Variants in CTNND2 observed in about 807,000 individuals in gnomAD.
CTNND2 encodes the protein catenin delta-2.
CTNND2 carries 22 observed loss-of-function variants against 144.4 expected under a neutral mutation model. The ratio of observed to expected loss-of-function variants is 0.15; its 90% CI spans 0.11 to 0.22. CTNND2 has a LOEUF of 0.22. Ranked by LOEUF, CTNND2 falls within the 10% of genes least tolerant of loss-of-function variation. CTNND2 has a pLI of 1.00. For synonymous variants in CTNND2, 751 were observed against 695.6 expected, an observed-to-expected ratio of 1.08 and a Z score of -1.25; for missense variants, 1,353 against 1,618.8, an observed-to-expected ratio of 0.84 and a Z score of 2.82.
At chr5:11,505,098 T>G (rs1770892595) in intron 3 of CTNND2, among the ~76,000 whole-genome samples, 1 of 151,978 alleles carries the variant, frequency 6.6e-6, no homozygotes, top group East Asian at 1.9e-4. Flanking sequence ...GTTAAAAGAG[T>G]TGGTGCTTTT....
intron 2 of CTNND2, among the ~76,000 whole-genome samples, chr5:11,620,307 C>A (rs1402276726): frequency 2.0e-5 from 3 of 152,062 alleles, no homozygotes; most frequent in Non-Finnish European, 4.4e-5. Context: ...GGTAACCAAT[C>A]CAGTGCCCAA....
chr5:11,566,690 A>C (rs944184906), intron 2 of CTNND2, among the ~76,000 whole-genome samples: 3 of 152,210 alleles, frequency 2.0e-5, no homozygotes, highest in African/African-American at 7.2e-5. Context: ...GAAACAGTGC[A>C]GTATTTGGAG....
intron 2 of CTNND2, among the ~76,000 whole-genome samples, chr5:11,612,413 T>C (rs116014217): frequency 0.01 from 1,559 of 152,308 alleles, 13 homozygotes; most frequent in East Asian, 0.027. Flanking sequence ...ATATTTAAAT[T>C]ACTAATGGCC....
intron 1 of CTNND2, among the ~76,000 whole-genome samples, chr5:11,752,675 T>G (rs1276906435): frequency 1.3e-5 from 2 of 151,934 alleles, no homozygotes; most frequent in African/African-American, 2.4e-5. Flanking sequence ...ATTGGGGCTT[T>G]TTTTCGTTCT....
intron 2 of CTNND2, among the ~76,000 whole-genome samples, chr5:11,653,603 T>C (rs548687911): frequency 2.0e-5 from 3 of 152,232 alleles, no homozygotes; most frequent in African/African-American, 7.2e-5. Flanking sequence ...TTGTAAATAT[T>C]GAATTATATG....
chr5:11,440,254 C>A (rs567864030), intron 3 of CTNND2, among the ~76,000 whole-genome samples: 1 of 152,168 alleles, frequency 6.6e-6, no homozygotes, highest in Non-Finnish European at 1.5e-5. Context: ...TGTGTGAACT[C>A]GCTCATGGCA....
At chr5:11,072,502 T>C (rs1411939807) in intron 16 of CTNND2, among the ~76,000 whole-genome samples, 6 of 152,228 alleles carry the variant, frequency 3.9e-5, no homozygotes, top group African/African-American at 1.4e-4. Flanking sequence ...AAAACCAAGT[T>C]TCCCAAATGG....
intron 1 of CTNND2, among the ~76,000 whole-genome samples, chr5:11,841,715 G>A (rs540830643): frequency 6.6e-6 from 1 of 152,126 alleles, no homozygotes; most frequent in East Asian, 1.9e-4. Context: ...ACCTCTGTAT[G>A]TCCATGTTTC....
At chr5:11,534,745 C>T (rs1441245612) in intron 3 of CTNND2, among the ~76,000 whole-genome samples, 1 of 152,090 alleles carries the variant, frequency 6.6e-6, no homozygotes, top group African/African-American at 2.4e-5. Context: ...GGTTGTCATC[C>T]AAATAAAATG....
At chr5:11,545,576 T>G (rs527812950) in intron 3 of CTNND2, among the ~76,000 whole-genome samples, 1 of 144,772 alleles carries the variant, frequency 6.9e-6, no homozygotes, top group African/African-American at 2.6e-5. Context: ...GGCAGGAGAA[T>G]TGCTTGAACC....
chr5:11,042,454 T>C (rs973525397), intron 16 of CTNND2, among the ~76,000 whole-genome samples: 1 of 152,218 alleles, frequency 6.6e-6, no homozygotes, highest in Non-Finnish European at 1.5e-5. Context: ...TAAAGAAGGA[T>C]ATGTAATTAT....
intron 9 of CTNND2, among the ~76,000 whole-genome samples, chr5:11,241,205 A>T (rs1450487219): frequency 6.6e-6 from 1 of 152,192 alleles, no homozygotes; most frequent in Non-Finnish European, 1.5e-5. Context: ...CATGCTGCTA[A>T]CCTGAGCAGC....
chr5:11,703,843 C>T (rs1243717847), intron 2 of CTNND2, among the ~76,000 whole-genome samples: 2 of 152,054 alleles, frequency 1.3e-5, no homozygotes, highest in Admixed American at 6.6e-5. Flanking sequence ...ATCAGACCCC[C>T]GTATCTCTGA....
At chr5:11,265,152 A>C (rs746690275) in intron 9 of CTNND2, among the ~76,000 whole-genome samples, 8 of 152,224 alleles carry the variant, frequency 5.3e-5, no homozygotes, top group Non-Finnish European at 1.0e-4. Flanking sequence ...TATTAAATCA[A>C]AAAAACTGCC....
intron 15 of CTNND2, among the ~76,000 whole-genome samples, chr5:11,085,516 T>C (rs1274416599): frequency 2.6e-5 from 4 of 152,118 alleles, no homozygotes; most frequent in Non-Finnish European, 5.9e-5. Context: ...GACAAAGCTT[T>C]TGCACTCCTC....
intron 2 of CTNND2, among the ~76,000 whole-genome samples, chr5:11,709,627 C>T (rs1055347661): frequency 1.3e-5 from 2 of 152,112 alleles, no homozygotes; most frequent in Admixed American, 6.5e-5. Context: ...AAAAAGTTAA[C>T]AATTCTACAG....
At chr5:11,042,078 G>C (rs1477067034) in intron 16 of CTNND2, among the ~76,000 whole-genome samples, 1 of 152,096 alleles carries the variant, frequency 6.6e-6, no homozygotes, top group Admixed American at 6.6e-5. Flanking sequence ...AAGCAGTCTT[G>C]GGCATGGCAT....
chr5:11,617,799 T>A (rs1436545660), intron 2 of CTNND2, among the ~76,000 whole-genome samples: 1 of 152,218 alleles, frequency 6.6e-6, no homozygotes, highest in Non-Finnish European at 1.5e-5. Context: ...TGAATTCACA[T>A]TCTCAATTTC....
At chr5:11,114,134 T>C (rs538449400) in intron 13 of CTNND2, among the ~76,000 whole-genome samples, 3 of 152,338 alleles carry the variant, frequency 2.0e-5, no homozygotes, top group South Asian at 4.1e-4. Flanking sequence ...GAAAATGTTA[T>C]GGCATAAGTC....
Sources: gnomAD v4.1 joint callset for allele counts (sites outside exome capture counted in the v4.1 genomes callset) on GRCh38, gnomAD v4.1.1 for gene constraint, MANE v1.5 for transcripts, NCBI Gene and HGNC (gene_info 2026-07-23, HGNC 2026-07-21) for gene names.